The following CNTNAP2 variants were observed in gnomAD, a reference collection of about 807,000 sequenced individuals.
The protein encoded by CNTNAP2 is contactin associated protein 2, also known as contactin-associated protein-like 2.
Under a neutral mutation model 155.2 loss-of-function variants are expected in CNTNAP2, and 98 were observed. The observed-to-expected ratio is 0.63, with a 90% CI of 0.54 to 0.75. The LOEUF is 0.75. CNTNAP2 is among the 30% of genes least tolerant of loss of function. The pLI is 0.00. For missense variants in CNTNAP2, 1,727 were observed against 1,688.1 expected (o/e 1.02, Z -0.40); for synonymous variants, 651 against 631.2 (o/e 1.03, Z -0.47).
At chr7:147,490,536 A>C (rs1243184679) in intron 11 of CNTNAP2, among the ~76,000 whole-genome samples, 1 of 152,228 alleles carries the variant, frequency 6.6e-6, no homozygotes, top group Non-Finnish European at 1.5e-5. Flanking sequence ...AATTTTCAAA[A>C]TAAATTGAAT....
At chr7:146,620,765 T>A (rs968526554) in intron 1 of CNTNAP2, among the ~76,000 whole-genome samples, 5 of 152,154 alleles carry the variant, frequency 3.3e-5, no homozygotes, top group African/African-American at 1.2e-4. Context: ...ATGGTAGGAC[T>A]GTTCATTATT....
chr7:148,007,505 A>C (rs1802002044), intron 15 of CNTNAP2, among the ~76,000 whole-genome samples: 1 of 152,174 alleles, frequency 6.6e-6, no homozygotes, highest in Non-Finnish European at 1.5e-5. Context: ...GAAATGTGAA[A>C]ATGAAATCTT....
intron 3 of CNTNAP2, among the ~76,000 whole-genome samples, chr7:146,871,301 CG>C (rs1483328124): frequency 6.6e-6 from 1 of 151,868 alleles, no homozygotes; most frequent in Non-Finnish European, 1.5e-5. Context: ...GAGGCCGAGG[CG>C]GGCAGGTCAC....
intron 4 of CNTNAP2, among the ~76,000 whole-genome samples, chr7:147,096,686 G>A (rs1800542593): frequency 1.3e-5 from 2 of 152,148 alleles, no homozygotes; most frequent in African/African-American, 4.8e-5. Context: ...ATCTCTGTCA[G>A]GACTGGTTCT....
intron 1 of CNTNAP2, among the ~76,000 whole-genome samples, chr7:146,340,168 CAAAA>C (rs1195946572): frequency 4.9e-4 from 27 of 54,896 alleles, no homozygotes; most frequent in African/African-American, 1.2e-3. Context: ...GACTCCGCCT[CAAAA>C]AAAAAAAAAA....
chr7:147,059,321 C>T (rs1799619042), intron 4 of CNTNAP2, among the ~76,000 whole-genome samples: 1 of 152,124 alleles, frequency 6.6e-6, no homozygotes, highest in East Asian at 1.9e-4. Context: ...GACTGACCAC[C>T]TCAAAGAGCT....
intron 21 of CNTNAP2, among the ~76,000 whole-genome samples, chr7:148,308,897 G>A (rs1195353868): frequency 6.6e-6 from 1 of 152,112 alleles, no homozygotes; most frequent in Non-Finnish European, 1.5e-5. Flanking sequence ...CCCTGCAAAG[G>A]ACGTGAACTC....
chr7:147,121,963 G>A (rs1801123128), intron 6 of CNTNAP2: 1 of 152,064 alleles, frequency 6.6e-6, no homozygotes, highest in Non-Finnish European at 1.5e-5. Context: ...GGATCACAGG[G>A]TCAGGAGTTC....
At chr7:146,787,727 A>T (rs1338772174) in intron 2 of CNTNAP2, among the ~76,000 whole-genome samples, 1 of 152,154 alleles carries the variant, frequency 6.6e-6, no homozygotes, top group African/African-American at 2.4e-5. Context: ...GGCCCCACCC[A>T]CATCCTGCTG....
intron 9 of CNTNAP2, among the ~76,000 whole-genome samples, chr7:147,331,800 C>T (rs1002744575): frequency 2.0e-5 from 3 of 152,168 alleles, no homozygotes; most frequent in Admixed American, 2.0e-4. Context: ...TCACTTCTTG[C>T]CCCTTGTTCA....
chr7:146,940,002 C>G (rs1797014294), intron 3 of CNTNAP2, among the ~76,000 whole-genome samples: 1 of 152,138 alleles, frequency 6.6e-6, no homozygotes, highest in South Asian at 2.1e-4. Context: ...CAAACTAACC[C>G]TGAGGTGTGG....
chr7:146,835,693 G>A (rs1296915424), intron 2 of CNTNAP2, among the ~76,000 whole-genome samples: 4 of 152,172 alleles, frequency 2.6e-5, no homozygotes, highest in Non-Finnish European at 4.4e-5. Flanking sequence ...AAGAGGTACT[G>A]CAGACTAGAA....
intron 3 of CNTNAP2, among the ~76,000 whole-genome samples, chr7:146,964,754 C>T (rs577343563): frequency 2.6e-5 from 4 of 152,142 alleles, no homozygotes; most frequent in African/African-American, 4.8e-5. Flanking sequence ...TAGGCTTTAT[C>T]GGTCAGCCAA....
chr7:146,417,968 T>C (rs970733878), intron 1 of CNTNAP2, among the ~76,000 whole-genome samples: 1 of 150,958 alleles, frequency 6.6e-6, no homozygotes, highest in Non-Finnish European at 1.5e-5. Flanking sequence ...CTTGAAGTGC[T>C]TACCTTCCAG....
At position 148,038,405 on chromosome 7, in the gene CNTNAP2, G is replaced by A. The variant is rs573263949; in HGVS notation, c.2383+60416G>A. Among the ~76,000 whole-genome samples, 25 of 152,258 alleles carry A rather than the reference G, an allele frequency of 1.6e-4. 1 individual carries two copies. In the East Asian group the frequency reaches 4.8e-3, roughly 29 times the overall value. On this transcript the variant is annotated intron_variant, in intron 15 of 23. Transcript: ENST00000361727. ...CTCAGTTCAAGTATCTATGATCCTAGGAAATCTCTTCAACACCCCCTCTTT... is the reference window on the plus strand; with the variant it reads ...CTCAGTTCAAGTATCTATGATCCTAAGAAATCTCTTCAACACCCCCTCTTT...
At chr7:147,272,664 A>ATTTTTTTTTTTTTTTTTTTTTTT (rs71182188) in intron 8 of CNTNAP2, among the ~76,000 whole-genome samples, 13 of 138,966 alleles carry the variant, frequency 9.4e-5, no homozygotes, top group Non-Finnish European at 1.7e-4. Context: ...CGCCCGGCTA[A>ATTTTTTTTTTTTTTTTTTTTTTT]TTTTTTTTTT....
chr7:147,333,964 G>A (rs1384572805), intron 9 of CNTNAP2, among the ~76,000 whole-genome samples: 1 of 152,092 alleles, frequency 6.6e-6, no homozygotes, highest in Admixed American at 6.6e-5. Flanking sequence ...AAGCAGACTT[G>A]GATCCATGAT....
intron 14 of CNTNAP2, among the ~76,000 whole-genome samples, chr7:147,949,204 AAAAAG>A (rs1800877180): frequency 6.6e-6 from 1 of 152,132 alleles, no homozygotes; most frequent in African/African-American, 2.4e-5. Flanking sequence ...CCGTCTAAAA[AAAAAG>A]AAAAGAAAAA....
intron 8 of CNTNAP2, among the ~76,000 whole-genome samples, chr7:147,260,279 A>G (rs528778360): frequency 1.3e-5 from 2 of 152,292 alleles, no homozygotes; most frequent in Admixed American, 1.3e-4. Flanking sequence ...ATTCTTTAGC[A>G]TGGTTCAGGT....
Sources: allele counts gnomAD v4.1 joint callset (sites outside exome capture counted in the v4.1 genomes callset), GRCh38; gene constraint gnomAD v4.1.1; transcripts MANE v1.5; gene names NCBI Gene and HGNC (gene_info 2026-07-23, HGNC 2026-07-21).